The following FOXP2 variants were observed in gnomAD, a reference collection of about 807,000 sequenced individuals.
The protein encoded by FOXP2 is forkhead box protein P2.
A neutral mutation model predicts 115.8 loss-of-function variants in FOXP2; 12 were observed. The ratio of observed to expected loss-of-function variants is 0.10; its 90% CI spans 0.07 to 0.17. FOXP2 has a LOEUF of 0.17. Among genes scored for constraint, FOXP2 ranks in the 10% least tolerant of loss-of-function variants. FOXP2 has a pLI of 1.00. For missense variants in FOXP2, 629 were observed against 843.5 expected (o/e 0.75, Z 3.15); for synonymous variants, 328 against 297.7 (o/e 1.10, Z -1.05).
At position 114,405,519 on chromosome 7, in the gene FOXP2, G is replaced by T. The variant is rs151259168; in HGVS notation, c.-10-20983G>T. ...AATATCTCTGTGAGATAAATAGCCT[G>T]CAGCCAAAATAATGAGGCTAGTAGG... On this transcript the variant is annotated intron_variant, in intron 2 of 17. Coordinates refer to the FOXP2 transcript ENST00000634411. Among the ~76,000 whole-genome samples the T allele has an allele frequency of 4.9e-4, 74 of 151,968 alleles. No homozygotes were observed. In the East Asian group the frequency reaches 0.013, roughly 27 times the overall value.
intron 1 of FOXP2, among the ~76,000 whole-genome samples, chr7:114,125,078 G>A (rs1791672148): frequency 6.6e-6 from 1 of 152,086 alleles, no homozygotes; most frequent in Admixed American, 6.5e-5. Context: ...TTCCATCATG[G>A]AATTACAGAC....
chr7:114,590,367 G>A (rs865839056), intron 3 of FOXP2, among the ~76,000 whole-genome samples: 2 of 152,094 alleles, frequency 1.3e-5, no homozygotes, highest in African/African-American at 4.8e-5. Flanking sequence ...CTGTTTTAAC[G>A]TGCACTGCAG....
At chr7:114,666,061 A>AT (rs1807146271) in intron 16 of FOXP2, 1 of 152,070 alleles carries the variant, frequency 6.6e-6, no homozygotes, top group Non-Finnish European at 1.5e-5. Flanking sequence ...ATTAGTATGT[A>AT]TTAGATAACA....
chr7:114,571,972 T>G lies in FOXP2; in HGVS notation c.258+37266T>G, dbSNP rs994007328. Among the ~76,000 whole-genome samples, 4 of 151,942 alleles carry G rather than the reference T, an allele frequency of 2.6e-5. No individual in the cohort carries two copies. In the East Asian group the frequency reaches 7.7e-4, roughly 29 times the overall value. On this transcript the variant is annotated intron_variant, in intron 3 of 16. Coordinates refer to ENST00000350908, the MANE Select transcript of FOXP2 (RefSeq NM_014491.4). ...CAGCCAAAATTTATTTACTTTTTAC[T>G]ACTCTATACATAATATTTCCTAATT...
chr7:114,107,388 A>AT (rs2129141613), intron 1 of FOXP2, among the ~76,000 whole-genome samples: 1 of 152,096 alleles, frequency 6.6e-6, no homozygotes, highest in South Asian at 2.1e-4. Context: ...TATCTTATAT[A>AT]TACTATTGAC....
chr7:114,442,692 G>A (rs1333058991), intron 2 of FOXP2, among the ~76,000 whole-genome samples: 1 of 152,072 alleles, frequency 6.6e-6, no homozygotes, highest in Non-Finnish European at 1.5e-5. Context: ...GGGCTCAAGT[G>A]ATCCACCTGT....
At chr7:114,522,110 A>T (rs1367120459) in intron 2 of FOXP2, among the ~76,000 whole-genome samples, 1 of 152,220 alleles carries the variant, frequency 6.6e-6, no homozygotes, top group East Asian at 1.9e-4. Context: ...GTAGATGTTA[A>T]GGGAAATTGA....
At chr7:114,345,399 A>G (rs1028359858) in intron 2 of FOXP2, among the ~76,000 whole-genome samples, 3 of 151,870 alleles carry the variant, frequency 2.0e-5, no homozygotes, top group African/African-American at 7.2e-5. Context: ...CTGTTATTCT[A>G]TACCCAACTT....
intron 1 of FOXP2, among the ~76,000 whole-genome samples, chr7:114,168,353 G>C (rs1175792222): frequency 6.6e-6 from 1 of 152,190 alleles, no homozygotes; most frequent in East Asian, 1.9e-4. Context: ...GGACGATAAA[G>C]TCTAGGCTGA....
intron 2 of FOXP2, among the ~76,000 whole-genome samples, chr7:114,480,590 T>A (rs2129236959): frequency 6.7e-6 from 1 of 150,248 alleles, no homozygotes; most frequent in East Asian, 1.9e-4. Context: ...TATATATACA[T>A]ATACATTCAT....
intron 1 of FOXP2, among the ~76,000 whole-genome samples, chr7:114,241,430 A>G (rs1387091640): frequency 1.3e-5 from 2 of 152,112 alleles, no homozygotes; most frequent in Admixed American, 6.6e-5. Context: ...TATTATGTTA[A>G]AAATACTGAA....
At chr7:114,167,616 C>T (rs754243642) in intron 1 of FOXP2, among the ~76,000 whole-genome samples, 1 of 151,928 alleles carries the variant, frequency 6.6e-6, no homozygotes, top group Non-Finnish European at 1.5e-5. Context: ...ATGGTGGATA[C>T]GTCTCAGGAG....
intron 2 of FOXP2, among the ~76,000 whole-genome samples, chr7:114,294,265 T>G (rs1203173330): frequency 6.6e-6 from 1 of 152,192 alleles, no homozygotes. Context: ...CTGATACTCA[T>G]TCTTTGTAGA....
intron 3 of FOXP2, among the ~76,000 whole-genome samples, chr7:114,624,693 C>T (rs1435714925): frequency 6.6e-6 from 1 of 151,712 alleles, no homozygotes; most frequent in Non-Finnish European, 1.5e-5. Flanking sequence ...ATGATCTTTG[C>T]ATTGTCTCGT....
intron 1 of FOXP2, among the ~76,000 whole-genome samples, chr7:114,182,242 T>G (rs567690995): frequency 6.6e-6 from 1 of 152,174 alleles, no homozygotes; most frequent in Non-Finnish European, 1.5e-5. Flanking sequence ...AACAGTAATG[T>G]AACTGATTTT....
chr7:114,453,159 A>C (rs538271826), intron 2 of FOXP2, among the ~76,000 whole-genome samples: 1 of 152,122 alleles, frequency 6.6e-6, no homozygotes, highest in South Asian at 2.1e-4. Flanking sequence ...AGGAAACAAC[A>C]GTTTTGAATG....
intron 1 of FOXP2, among the ~76,000 whole-genome samples, chr7:114,176,324 CTTTTTCTT>C (rs1793307911): frequency 5.0e-5 from 6 of 119,730 alleles, no homozygotes; most frequent in African/African-American, 1.8e-4. Flanking sequence ...CTCTCTCTTT[CTTTTTCTT>C]TCTTTCTCTC....
chr7:114,508,871 G>A (rs1482294208), intron 2 of FOXP2, among the ~76,000 whole-genome samples: 1 of 152,180 alleles, frequency 6.6e-6, no homozygotes, highest in Non-Finnish European at 1.5e-5. Context: ...CAAATATTAA[G>A]GAAGCAGTAT....
intron 1 of FOXP2, among the ~76,000 whole-genome samples, chr7:114,186,938 G>A (rs966915778): frequency 5.3e-5 from 8 of 152,186 alleles, no homozygotes; most frequent in Non-Finnish European, 1.2e-4. Flanking sequence ...GTGGCTCAGG[G>A]TAAGGAATGC....
Sources: allele counts gnomAD v4.1 joint callset (sites outside exome capture counted in the v4.1 genomes callset), GRCh38; gene constraint gnomAD v4.1.1; transcripts MANE v1.5; gene names NCBI Gene and HGNC (gene_info 2026-07-23, HGNC 2026-07-21).